SH3PXD2A: variants seen among roughly 807,000 people sequenced by gnomAD.
SH3PXD2A encodes SH3 and PX domains 2A.
SH3PXD2A carries 32 observed loss-of-function variants against 115.2 expected under a neutral mutation model. That is an observed-to-expected ratio of 0.28 (90% confidence interval 0.21 to 0.37). The LOEUF (loss-of-function observed/expected upper bound fraction) is 0.37, where lower values mean the gene tolerates loss of function less well. Ranked by LOEUF, SH3PXD2A falls within the 10% of genes least tolerant of loss-of-function variation. SH3PXD2A has a pLI of 1.00. For synonymous variants in SH3PXD2A, 610 were observed against 629.1 expected (o/e 0.97, Z 0.45); for missense variants, 1,328 against 1,498.7 (o/e 0.89, Z 1.88).
At chr10:103,660,437 T>C (rs1182236986) in intron 8 of SH3PXD2A, among the ~76,000 whole-genome samples, 1 of 152,174 alleles carries the variant, frequency 6.6e-6, no homozygotes, top group East Asian at 1.9e-4. Context: ...CTGCGCTTGC[T>C]TTCCAGGTCC....
At chr10:103,829,091 A>G (rs1464102596) in intron 1 of SH3PXD2A, among the ~76,000 whole-genome samples, 1 of 152,180 alleles carries the variant, frequency 6.6e-6, no homozygotes, top group Non-Finnish European at 1.5e-5. Context: ...CAGTGGAAAT[A>G]TTTGGCCTTT....
chr10:103,681,051 C>T (rs1024701693), intron 6 of SH3PXD2A, among the ~76,000 whole-genome samples: 2 of 152,216 alleles, frequency 1.3e-5, no homozygotes, highest in Admixed American at 1.3e-4. Flanking sequence ...ACTTTCTGGC[C>T]GTGGGCCACG....
At chr10:103,728,632 A>G (rs1186156277) in intron 4 of SH3PXD2A, among the ~76,000 whole-genome samples, 1 of 152,216 alleles carries the variant, frequency 6.6e-6, no homozygotes, top group Non-Finnish European at 1.5e-5. Flanking sequence ...GGCCTTGGGG[A>G]TCACCATGTT....
rs189919041 is a variant in SH3PXD2A at position 103,790,444 on chromosome 10, G to T, written c.153+10838C>A. On this transcript the variant is annotated intron_variant, in intron 2 of 14. Coordinates refer to ENST00000369774, the MANE Select transcript of SH3PXD2A (RefSeq NM_001394015.1). Reference sequence around the variant, plus strand: ...GCTGGGATTACAGGTGTGAGCCACCGCGCCCGGCCCAGAAAGAGGACTTCT... The same window carrying T: ...GCTGGGATTACAGGTGTGAGCCACCTCGCCCGGCCCAGAAAGAGGACTTCT... Among the ~76,000 whole-genome samples the T allele has an allele frequency of 2.6e-5, 4 of 152,232 alleles. No individual in the cohort carries two copies. In the South Asian group the frequency reaches 8.3e-4, roughly 32 times the overall value.
rs539783551 is a variant in SH3PXD2A at position 103,626,369 on chromosome 10, C to T, written c.718+720G>A. On this transcript the variant is annotated intron_variant, in intron 9 of 14. Coordinates refer to ENST00000369774, the MANE Select transcript of SH3PXD2A (RefSeq NM_001394015.1). ...ATCCATCTGGACCATCCCCACCAAC[C>T]GTTAGGGAAAGAATTCCCGCAGCCA... 1.8e-3 allele frequency among the ~76,000 whole-genome samples: 270 copies of T among 152,312 alleles called. 1 individual carries two copies. Among genetic ancestry groups the T allele is most frequent in the African/African-American group, 6.0e-3 (249 of 41,558 alleles).
chr10:103,793,688 G>T (rs1217347547), intron 2 of SH3PXD2A, among the ~76,000 whole-genome samples: 1 of 152,212 alleles, frequency 6.6e-6, no homozygotes, highest in Non-Finnish European at 1.5e-5. Context: ...GGAGCTCTCT[G>T]CAATCCTTGG....
chr10:103,623,470 C>G (rs1476004263), intron 9 of SH3PXD2A, among the ~76,000 whole-genome samples: 3 of 152,138 alleles, frequency 2.0e-5, no homozygotes, highest in African/African-American at 7.2e-5. Context: ...GGCCTCACTT[C>G]CTGCCACCAC....
In SH3PXD2A at chr10:103,631,694, A is replaced by C. The variant is rs566913063; in HGVS notation, c.605-4492T>G. ...ATTCTGGGCATGTGGTCACTCCCCA[A>C]ATTTCTGCTTACCAGGATGTAACCC... On this transcript the variant is annotated intron_variant, in intron 8 of 14. Transcript: ENST00000369774. 9.2e-5 allele frequency among the ~76,000 whole-genome samples: 14 copies of C among 152,246 alleles called. 1 individual carries two copies. Among genetic ancestry groups the C allele is most frequent in the African/African-American group, 3.4e-4 (14 of 41,536 alleles).
At chr10:103,719,370 C>T (rs1157046515) in intron 5 of SH3PXD2A, among the ~76,000 whole-genome samples, 1 of 152,234 alleles carries the variant, frequency 6.6e-6, no homozygotes, top group African/African-American at 2.4e-5. Flanking sequence ...CTTGGCCCTG[C>T]ACCTGCCAGT....
Position 103,603,337 on chromosome 10 carries a change from T to C in SH3PXD2A, c.1881A>G (p.Pro627=). ...ETIYENEGFR[P]YAEDTLSARG... ...TGGCTGACAGGGTGTCCTCTGCATA[T>C]GGCCGGAAGCCCTCATTCTCATAGA... The change falls in exon 15 of 15, where the codon CCA becomes CCG. Residue 627 remains proline (P), a synonymous_variant. Coordinates refer to ENST00000369774, the MANE Select transcript of SH3PXD2A (RefSeq NM_001394015.1). 1 of 1,614,162 alleles carries C rather than the reference T, an allele frequency of 6.2e-7. No individual in the cohort carries two copies. Among genetic ancestry groups the C allele is most frequent in the Admixed American group, 1.7e-5 (1 of 60,024 alleles).
At chr10:103,822,425 C>A (rs2039390204) in intron 1 of SH3PXD2A, among the ~76,000 whole-genome samples, 2 of 152,262 alleles carry the variant, frequency 1.3e-5, no homozygotes, top group African/African-American at 4.8e-5. Flanking sequence ...CAGCTGCACA[C>A]ATACACAGGT....
intron 3 of SH3PXD2A, among the ~76,000 whole-genome samples, chr10:103,762,760 C>T (rs1294172019): frequency 3.9e-5 from 6 of 152,150 alleles, no homozygotes; most frequent in African/African-American, 7.2e-5. Flanking sequence ...GAAAACAATT[C>T]GGGGGCTCTC....
At chr10:103,606,958 C>T (rs1303772315) in intron 13 of SH3PXD2A, among the ~76,000 whole-genome samples, 3 of 150,440 alleles carry the variant, frequency 2.0e-5, no homozygotes, top group Admixed American at 6.6e-5. Context: ...GGCCGCCCAT[C>T]GTCTGGGATG....
chr10:103,727,868 C>A (rs142581675), intron 4 of SH3PXD2A, among the ~76,000 whole-genome samples: 1 of 152,384 alleles, frequency 6.6e-6, no homozygotes, highest in African/African-American at 2.4e-5. Flanking sequence ...TCCATCAGAG[C>A]TGCTGCCAAA....
At chr10:103,636,630 C>G (rs897280936) in intron 8 of SH3PXD2A, among the ~76,000 whole-genome samples, 78 of 152,218 alleles carry the variant, frequency 5.1e-4, no homozygotes, top group African/African-American at 1.8e-3. Context: ...GCCACAATGG[C>G]CTCCTTAAGG....
intron 1 of SH3PXD2A, among the ~76,000 whole-genome samples, chr10:103,831,448 G>A (rs2039481753): frequency 6.6e-6 from 1 of 152,174 alleles, no homozygotes; most frequent in Non-Finnish European, 1.5e-5. Flanking sequence ...GACCTCTTTG[G>A]CCAAGGGATG....
At chr10:103,785,504 G>A (rs933230954) in intron 2 of SH3PXD2A, among the ~76,000 whole-genome samples, 21 of 152,154 alleles carry the variant, frequency 1.4e-4, no homozygotes, top group Admixed American at 1.0e-3. Context: ...TAGGGCCCCC[G>A]GGCACAGCAT....
At chr10:103,739,840 T>G (rs2038424665) in intron 3 of SH3PXD2A, among the ~76,000 whole-genome samples, 1 of 152,212 alleles carries the variant, frequency 6.6e-6, no homozygotes. Flanking sequence ...CTGGAGGTCC[T>G]TCTTCCTGCC....
In SH3PXD2A at chr10:103,660,167, A is replaced by T. The variant is rs1278285253; in HGVS notation, c.604+816T>A. The stretch of plus-strand genomic sequence containing the variant: ...CTGAAACAAAACACCCCAGAAACCC[A>T]TGCAAGCCCTGGGAGGCTGTGGGCT... On this transcript the variant is annotated intron_variant, in intron 8 of 14. Transcript: ENST00000369774. Among the ~76,000 whole-genome samples the T allele has an allele frequency of 4.6e-5, 7 of 152,016 alleles. No individual in the cohort carries two copies. In the East Asian group the frequency reaches 1.4e-3, roughly 29 times the overall value.
Sources: gnomAD v4.1 joint callset for allele counts (sites outside exome capture counted in the v4.1 genomes callset) on GRCh38, gnomAD v4.1.1 for gene constraint, MANE v1.5 for transcripts, NCBI Gene and HGNC (gene_info 2026-07-23, HGNC 2026-07-21) for gene names.